Variants in GPR158 observed in about 807,000 individuals in gnomAD.
GPR158 encodes metabotropic glycine receptor.
GPR158 carries 30 observed loss-of-function variants against 78.2 expected under a neutral mutation model. The ratio of observed to expected loss-of-function variants is 0.38; its 90% CI spans 0.29 to 0.52. The LOEUF is 0.52. Among genes scored for constraint, GPR158 ranks in the 20% least tolerant of loss-of-function variants. The pLI is 0.83. For missense variants in GPR158, 1,463 were observed against 1,523.5 expected (o/e 0.96, Z 0.66); for synonymous variants, 581 against 591.1 (o/e 0.98, Z 0.25).
intron 5 of GPR158, among the ~76,000 whole-genome samples, chr10:25,467,475 A>G (rs1182795523): frequency 6.6e-6 from 1 of 152,210 alleles, no homozygotes; most frequent in Non-Finnish European, 1.5e-5. Context: ...ATTTCAAAAT[A>G]TGGCACAGAA....
At position 25,176,340 on chromosome 10, in the gene GPR158, G is replaced by A. The variant is rs747019280; in HGVS notation, c.902+18G>A. ...GAATTCAGGTAGGGAGGGCCGGGGG[G>A]CAGGGGGGAAGGCAAAAGCGAAGCT... is the stretch of plus-strand genomic sequence containing the variant. On this transcript the variant is annotated intron_variant, in intron 1 of 10. Coordinates refer to ENST00000376351, the MANE Select transcript of GPR158 (RefSeq NM_020752.3). The surrounding 1 kb of genome is among the most constrained non-coding windows in gnomAD (Gnocchi z 6.3). The A allele has an allele frequency of 5.8e-6, 9 of 1,544,460 alleles. No homozygotes were observed. Among genetic ancestry groups the A allele is most frequent in the Middle Eastern group, 1.8e-4 (1 of 5,552 alleles).
At chr10:25,567,418 GT>G (rs1248238584) in intron 6 of GPR158, among the ~76,000 whole-genome samples, 1 of 152,140 alleles carries the variant, frequency 6.6e-6, no homozygotes, top group African/African-American at 2.4e-5. Context: ...TCCCTCCAGA[GT>G]TTCAGAGTCA....
intron 2 of GPR158, among the ~76,000 whole-genome samples, chr10:25,351,816 G>C (rs557455356): frequency 6.6e-6 from 1 of 151,236 alleles, no homozygotes; most frequent in African/African-American, 2.4e-5. Context: ...TGTGTGCCAT[G>C]GTGGTTTGCT....
chr10:25,426,138 GT>G (rs1834817653), intron 4 of GPR158, among the ~76,000 whole-genome samples: 1 of 152,100 alleles, frequency 6.6e-6, no homozygotes, highest in Admixed American at 6.6e-5. Flanking sequence ...TTCATCATAT[GT>G]AAAATATGGA....
At chr10:25,277,470 AAGAGAGAG>A (rs370403743) in intron 2 of GPR158, among the ~76,000 whole-genome samples, 1 of 149,292 alleles carries the variant, frequency 6.7e-6, no homozygotes, top group African/African-American at 2.5e-5. Context: ...AAAAAAGCAA[AAGAGAGAG>A]AGAGAGAGAG....
At chr10:25,418,164 T>C (rs1324219139) in intron 4 of GPR158, among the ~76,000 whole-genome samples, 1 of 152,150 alleles carries the variant, frequency 6.6e-6, no homozygotes, top group African/African-American at 2.4e-5. Flanking sequence ...TGAAGAGACA[T>C]AACATAGTAT....
At chr10:25,473,708 T>C (rs1835542231) in intron 5 of GPR158, among the ~76,000 whole-genome samples, 1 of 152,178 alleles carries the variant, frequency 6.6e-6, no homozygotes, top group Non-Finnish European at 1.5e-5. Context: ...GAGGAATTTA[T>C]CCATTTCTTC....
chr10:25,248,209 G>A (rs1232042189), intron 2 of GPR158, among the ~76,000 whole-genome samples: 4 of 151,810 alleles, frequency 2.6e-5, no homozygotes, highest in African/African-American at 4.8e-5. Flanking sequence ...GTAGATTCTG[G>A]ATATTAGCCC....
intron 5 of GPR158, among the ~76,000 whole-genome samples, chr10:25,493,360 C>T (rs1006965635): frequency 6.6e-6 from 1 of 152,200 alleles, no homozygotes; most frequent in Non-Finnish European, 1.5e-5. Context: ...TTTATCTCTG[C>T]ACCACTCAGA....
chr10:25,331,492 A>T (rs1855121360), intron 2 of GPR158, among the ~76,000 whole-genome samples: 2 of 152,166 alleles, frequency 1.3e-5, no homozygotes, highest in South Asian at 4.1e-4. Context: ...ATTTATTATG[A>T]TTAGAGGTGA....
At chr10:25,203,302 G>T (rs901514058) in intron 1 of GPR158, among the ~76,000 whole-genome samples, 1 of 152,092 alleles carries the variant, frequency 6.6e-6, no homozygotes, top group African/African-American at 2.4e-5. Context: ...TATTGCTTTT[G>T]GTGTTTTAGT....
chr10:25,187,138 T>A (rs1207807083), intron 1 of GPR158, among the ~76,000 whole-genome samples: 3 of 151,940 alleles, frequency 2.0e-5, no homozygotes, highest in Non-Finnish European at 4.4e-5. Flanking sequence ...CTATTTTTTT[T>A]GTATTTTTAA....
intron 2 of GPR158, among the ~76,000 whole-genome samples, chr10:25,309,719 C>A (rs994700412): frequency 6.6e-6 from 1 of 152,050 alleles, no homozygotes; most frequent in Non-Finnish European, 1.5e-5. Flanking sequence ...TCCTGTGCTT[C>A]TCAGGATAGT....
At chr10:25,522,776 A>G (rs1406784633) in intron 5 of GPR158, among the ~76,000 whole-genome samples, 1 of 152,246 alleles carries the variant, frequency 6.6e-6, no homozygotes, top group Non-Finnish European at 1.5e-5. Flanking sequence ...TAGAGAAAGT[A>G]GAAGACATGG....
chr10:25,538,359 C>T (rs1317483549), intron 5 of GPR158, among the ~76,000 whole-genome samples: 2 of 152,096 alleles, frequency 1.3e-5, no homozygotes, highest in Non-Finnish European at 2.9e-5. Flanking sequence ...ATGCATAGCT[C>T]CTTATGCCTT....
At chr10:25,395,038 T>G (rs943153107) in intron 2 of GPR158, among the ~76,000 whole-genome samples, 1 of 152,160 alleles carries the variant, frequency 6.6e-6, no homozygotes, top group Non-Finnish European at 1.5e-5. Flanking sequence ...TTGGTTAGAT[T>G]ATTTAAATGC....
intron 2 of GPR158, among the ~76,000 whole-genome samples, chr10:25,311,620 A>G (rs1406397541): frequency 6.6e-6 from 1 of 151,886 alleles, no homozygotes; most frequent in African/African-American, 2.4e-5. Flanking sequence ...TTGTTTTTCT[A>G]TTCTAATGCT....
At chr10:25,573,639 T>C (rs567591937) in intron 7 of GPR158, among the ~76,000 whole-genome samples, 2 of 152,386 alleles carry the variant, frequency 1.3e-5, no homozygotes, top group South Asian at 4.1e-4. Context: ...ACAAAAGGGA[T>C]ATTTTATTGT....
intron 1 of GPR158, among the ~76,000 whole-genome samples, chr10:25,182,207 G>A (rs1294098343): frequency 6.6e-6 from 1 of 152,170 alleles, no homozygotes; most frequent in African/African-American, 2.4e-5. Context: ...TAATGGAAAT[G>A]AGAACTCCAT....
Sources: gnomAD v4.1 joint callset for allele counts (sites outside exome capture counted in the v4.1 genomes callset) on GRCh38, gnomAD v4.1.1 for gene constraint, Gnocchi (gnomAD v3.1) non-coding constraint, MANE v1.5 for transcripts, NCBI Gene and HGNC (gene_info 2026-07-23, HGNC 2026-07-21) for gene names.